The following ZNF385D variants were observed in gnomAD, a reference collection of about 807,000 sequenced individuals.
ZNF385D encodes the protein zinc finger protein 659.
ZNF385D carries 15 observed loss-of-function variants against 35.8 expected under a neutral mutation model. The ratio of observed to expected loss-of-function variants is 0.42; its 90% CI spans 0.28 to 0.64. ZNF385D has a LOEUF of 0.64. ZNF385D is among the 30% of genes least tolerant of loss of function. ZNF385D has a pLI of 0.23. For synonymous variants in ZNF385D, 212 were observed against 186.8 expected (o/e 1.13, Z -1.10); for missense variants, 474 against 494.6 (o/e 0.96, Z 0.39).
intron 3 of ZNF385D, 150 bp from the exon 4 acceptor site, chr3:21,511,173 G>A: frequency 1.1e-6 from 1 of 906,642 alleles, no homozygotes; most frequent in East Asian, 2.6e-5. Context: ...TATTTAGAAT[G>A]ATGCTAGAAA....
chr3:21,694,722 C>A (rs183615158), intron 1 of ZNF385D, among the ~76,000 whole-genome samples: 1 of 152,296 alleles, frequency 6.6e-6, no homozygotes, highest in African/African-American at 2.4e-5. Context: ...AGTGATTAAG[C>A]ATAACTTAGA....
At chr3:22,181,513 G>A (rs996838014) in intron 2 of ZNF385D, among the ~76,000 whole-genome samples, 3 of 151,942 alleles carry the variant, frequency 2.0e-5, no homozygotes, top group African/African-American at 4.8e-5. Context: ...TGGCGAACAC[G>A]GTGAAACCCC....
At chr3:22,271,778 A>T (rs750718607) in intron 2 of ZNF385D, among the ~76,000 whole-genome samples, 44 of 151,924 alleles carry the variant, frequency 2.9e-4, no homozygotes, top group Non-Finnish European at 4.7e-4. Context: ...GTCAGACTCA[A>T]AGTTAGCCTT....
At chr3:21,479,270 T>G (rs1704447596) in intron 4 of ZNF385D, among the ~76,000 whole-genome samples, 1 of 151,844 alleles carries the variant, frequency 6.6e-6, no homozygotes, top group East Asian at 1.9e-4. Flanking sequence ...ACTTGAGAAA[T>G]TTATCTTTAC....
At chr3:21,553,880 A>G (rs966030831) in intron 3 of ZNF385D, among the ~76,000 whole-genome samples, 1 of 152,208 alleles carries the variant, frequency 6.6e-6, no homozygotes, top group Non-Finnish European at 1.5e-5. Context: ...CTGAGATTTC[A>G]TCAATTCAAT....
At chr3:21,761,042 T>C (rs1300137438) in intron 3 of ZNF385D, among the ~76,000 whole-genome samples, 5 of 152,248 alleles carry the variant, frequency 3.3e-5, no homozygotes, top group African/African-American at 1.2e-4. Context: ...ACTTTAGGAA[T>C]AGCCACCTGC....
At chr3:21,887,260 T>C (rs1194413036) in intron 3 of ZNF385D, among the ~76,000 whole-genome samples, 2 of 152,198 alleles carry the variant, frequency 1.3e-5, no homozygotes, top group African/African-American at 4.8e-5. Context: ...AAATAGTTTG[T>C]TTCTAAGTAT....
intron 3 of ZNF385D, among the ~76,000 whole-genome samples, chr3:22,076,858 T>A (rs991569127): frequency 1.3e-5 from 2 of 151,984 alleles, no homozygotes; most frequent in African/African-American, 4.8e-5. Context: ...TTATCCATTT[T>A]AAAATTCTGT....
At chr3:22,342,327 A>C (rs1309430159) in intron 2 of ZNF385D, among the ~76,000 whole-genome samples, 2 of 151,526 alleles carry the variant, frequency 1.3e-5, no homozygotes, top group Non-Finnish European at 2.9e-5. Flanking sequence ...TATCAATGAT[A>C]ATTTCATTTT....
intron 2 of ZNF385D, among the ~76,000 whole-genome samples, chr3:22,309,973 A>G (rs1294155283): frequency 6.6e-6 from 1 of 152,040 alleles, no homozygotes; most frequent in Admixed American, 6.6e-5. Flanking sequence ...TGGAGGCTTG[A>G]TGAACTGCTC....
chr3:21,522,785 G>C (rs1445212132), intron 3 of ZNF385D, among the ~76,000 whole-genome samples: 4 of 152,130 alleles, frequency 2.6e-5, no homozygotes, highest in Non-Finnish European at 4.4e-5. Context: ...ATTTCTTTTT[G>C]TGCTTAAAGT....
intron 3 of ZNF385D, among the ~76,000 whole-genome samples, chr3:21,995,346 C>G (rs754666065): frequency 1.3e-5 from 2 of 152,168 alleles, no homozygotes; most frequent in East Asian, 1.9e-4. Flanking sequence ...AAGGGAGCAC[C>G]TGGTGGGGCA....
intron 3 of ZNF385D, among the ~76,000 whole-genome samples, chr3:22,111,451 T>A (rs1307140554): frequency 1.3e-5 from 2 of 152,050 alleles, no homozygotes; most frequent in African/African-American, 4.8e-5. Context: ...ATTGGCAAAC[T>A]ACTGGGGTAC....
intron 3 of ZNF385D, among the ~76,000 whole-genome samples, chr3:22,063,593 G>T (rs571356565): frequency 6.6e-6 from 1 of 152,242 alleles, no homozygotes; most frequent in African/African-American, 2.4e-5. Context: ...TAACCCTAAT[G>T]ATATGGTAAT....
At chr3:21,721,072 T>C (rs567399228) in intron 1 of ZNF385D, among the ~76,000 whole-genome samples, 7 of 152,338 alleles carry the variant, frequency 4.6e-5, no homozygotes, top group African/African-American at 1.2e-4. Context: ...AGGTTTTTTT[T>C]TTCTTTTTTC....
At chr3:22,160,361 AAAGCAC>A (rs1705867410) in intron 3 of ZNF385D, among the ~76,000 whole-genome samples, 1 of 152,148 alleles carries the variant, frequency 6.6e-6, no homozygotes, top group African/African-American at 2.4e-5. Flanking sequence ...ACAGTCAACA[AAAGCAC>A]AAATCGTCCT....
intron 3 of ZNF385D, among the ~76,000 whole-genome samples, chr3:22,103,833 C>A: frequency 6.6e-6 from 1 of 151,968 alleles, no homozygotes; most frequent in East Asian, 1.9e-4. Flanking sequence ...AGGGGGGTGA[C>A]TTTACACGGA....
At position 21,807,577 on chromosome 3, in the gene ZNF385D, T is replaced by C. The variant is rs909888669; in HGVS notation, c.326-142549A>G. On this transcript the variant is annotated intron_variant, in intron 3 of 5. Coordinates refer to the ZNF385D transcript ENST00000494108. ...AATATTGTTGAACTAAGAAATACAATAGTGAATATATTCTCATTATCCTTA... is the reference window on the plus strand; with the variant it reads ...AATATTGTTGAACTAAGAAATACAACAGTGAATATATTCTCATTATCCTTA... 3.9e-5 allele frequency among the ~76,000 whole-genome samples: 6 copies of C among 152,172 alleles called. No individual in the cohort carries two copies. In the South Asian group the frequency reaches 6.2e-4, roughly 16 times the overall value.
intron 3 of ZNF385D, among the ~76,000 whole-genome samples, chr3:21,781,507 T>C (rs936626481): frequency 6.6e-6 from 1 of 152,004 alleles, no homozygotes. Flanking sequence ...CCATGTGTCA[T>C]ATTTTGAGAA....
Sources: allele counts gnomAD v4.1 joint callset (sites outside exome capture counted in the v4.1 genomes callset), GRCh38; gene constraint gnomAD v4.1.1; transcripts MANE v1.5; gene names NCBI Gene and HGNC (gene_info 2026-07-23, HGNC 2026-07-21).